The following UNC13B variants were observed in gnomAD, a reference collection of about 807,000 sequenced individuals.
UNC13B encodes protein unc-13 homolog B.
Under a neutral mutation model 211.0 loss-of-function variants are expected in UNC13B, and 144 were observed. The ratio of observed to expected loss-of-function variants is 0.68; its 90% confidence interval spans 0.60 to 0.78. UNC13B has a LOEUF of 0.78. Among genes scored for constraint, UNC13B ranks in the 30% least tolerant of loss-of-function variants. The probability of loss-of-function intolerance (pLI) is 0.00; values close to 1 mark genes in which losing one functional copy is unlikely to be tolerated. For synonymous variants in UNC13B, 709 were observed against 725.8 expected (o/e 0.98, Z 0.37); for missense variants, 1,777 against 2,002.0 (o/e 0.89, Z 2.14).
At chr9:35,255,182 C>A (rs1826802479) in intron 6 of UNC13B, among the ~76,000 whole-genome samples, 1 of 146,980 alleles carries the variant, frequency 6.8e-6, no homozygotes, top group African/African-American at 2.5e-5. Context: ...GCCTTGGACT[C>A]CCAAAGTGCT....
intron 8 of UNC13B, among the ~76,000 whole-genome samples, chr9:35,297,561 T>TTTTTTTTTTTGTTTTTTG: frequency 7.8e-6 from 1 of 128,164 alleles, no homozygotes; most frequent in Non-Finnish European, 1.7e-5. Flanking sequence ...TTTTTTTTTT[T>TTTTTTTTTTTGTTTTTTG]TTTTTTGAGA....
At chr9:35,240,532 G>C (rs540948839) in intron 5 of UNC13B, among the ~76,000 whole-genome samples, 1 of 151,994 alleles carries the variant, frequency 6.6e-6, no homozygotes, top group East Asian at 1.9e-4. Context: ...GGAGGGAGTG[G>C]GTCTTGGTTC....
intron 7 of UNC13B, among the ~76,000 whole-genome samples, chr9:35,285,421 T>C (rs960217170): frequency 2.0e-5 from 3 of 152,150 alleles, no homozygotes; most frequent in Non-Finnish European, 4.4e-5. Flanking sequence ...CTCAAGTAAT[T>C]ATTAAAATTA....
intron 19 of UNC13B, 122 bp from the exon 20 acceptor site, chr9:35,381,434 T>C: frequency 2.4e-6 from 3 of 1,269,568 alleles, no homozygotes; most frequent in East Asian, 5.1e-5. Flanking sequence ...AACTGAGCAA[T>C]GACTGGAAGG....
chr9:35,331,900 C>G (rs1205699142), intron 11 of UNC13B, among the ~76,000 whole-genome samples: 1 of 152,122 alleles, frequency 6.6e-6, no homozygotes, highest in Non-Finnish European at 1.5e-5. Context: ...AGCCTCTAAT[C>G]AAGAATCTTT....
intron 11 of UNC13B, chr9:35,351,171 A>T: frequency 2.3e-6 from 1 of 427,804 alleles, no homozygotes; most frequent in Non-Finnish European, 3.2e-6. Flanking sequence ...GTTGGGAGGC[A>T]GGTCAGGGTT....
intron 11 of UNC13B, among the ~76,000 whole-genome samples, chr9:35,347,738 G>C (rs1019983311): frequency 3.9e-5 from 6 of 152,210 alleles, no homozygotes; most frequent in African/African-American, 1.4e-4. Context: ...GGGAGAAGCT[G>C]CTATGGCAGC....
intron 23 of UNC13B, 136 bp downstream of exon 23, chr9:35,385,949 C>G (rs965788577): frequency 7.2e-7 from 1 of 1,386,388 alleles, no homozygotes. Context: ...TGTACCTGTT[C>G]CCTGGGTTAC....
chr9:35,317,289 C>T (rs990851699), intron 11 of UNC13B, among the ~76,000 whole-genome samples: 1 of 152,090 alleles, frequency 6.6e-6, no homozygotes, highest in Non-Finnish European at 1.5e-5. Context: ...CAGCGTCAAC[C>T]TCCTGGGCTC....
intron 1 of UNC13B, among the ~76,000 whole-genome samples, chr9:35,171,403 C>G (rs11788308): frequency 0.18 from 27,735 of 152,062 alleles, 3,161 homozygotes; most frequent in Non-Finnish European, 0.26. Context: ...TGCCTGGTCT[C>G]AAGTATAGTT....
chr9:35,175,623 G>T (rs2131277517), intron 1 of UNC13B, among the ~76,000 whole-genome samples: 1 of 151,160 alleles, frequency 6.6e-6, no homozygotes, highest in Non-Finnish European at 1.5e-5. Context: ...AGGGCAGGCA[G>T]TGTATTATAG....
At chr9:35,253,886 T>C (rs975177426) in intron 6 of UNC13B, among the ~76,000 whole-genome samples, 2 of 152,254 alleles carry the variant, frequency 1.3e-5, no homozygotes, top group African/African-American at 4.8e-5. Context: ...ACTAAATTGC[T>C]TTCTGAAGTG....
chr9:35,176,137 AGAT>A (rs1821621865), intron 1 of UNC13B, among the ~76,000 whole-genome samples: 1 of 151,800 alleles, frequency 6.6e-6, no homozygotes, highest in Non-Finnish European at 1.5e-5. Flanking sequence ...GGGAAGGGAG[AGAT>A]GATAACTGAT....
At chr9:35,365,189 C>A (rs1322460760) in intron 11 of UNC13B, among the ~76,000 whole-genome samples, 1 of 152,164 alleles carries the variant, frequency 6.6e-6, no homozygotes, top group Admixed American at 6.5e-5. Context: ...CTCTTGAAGA[C>A]CATGAGGGTT....
At chr9:35,281,701 T>C (rs1431273891) in intron 7 of UNC13B, among the ~76,000 whole-genome samples, 3 of 152,196 alleles carry the variant, frequency 2.0e-5, no homozygotes, top group East Asian at 1.9e-4. Context: ...TCCACCCTTA[T>C]AGTATAGAAT....
chr9:35,309,006 A>G (rs1587589434), intron 9 of UNC13B, among the ~76,000 whole-genome samples: 1 of 152,122 alleles, frequency 6.6e-6, no homozygotes, highest in African/African-American at 2.4e-5. Context: ...TCTGCCTTTT[A>G]CTACCCTCAA....
chr9:35,165,479 A>G (rs1820986250), intron 1 of UNC13B, among the ~76,000 whole-genome samples: 1 of 146,574 alleles, frequency 6.8e-6, no homozygotes, highest in Admixed American at 7.0e-5. Flanking sequence ...GTGCAGTGGC[A>G]TGATCTCAGC....
chr9:35,289,072 G>A (rs1828950964), intron 7 of UNC13B, among the ~76,000 whole-genome samples: 1 of 151,828 alleles, frequency 6.6e-6, no homozygotes, highest in South Asian at 2.1e-4. Flanking sequence ...TTTTAAAATG[G>A]CACACTAAGC....
chr9:35,244,924 A>G (rs1293563376), intron 6 of UNC13B, among the ~76,000 whole-genome samples: 3 of 152,088 alleles, frequency 2.0e-5, no homozygotes, highest in East Asian at 3.8e-4. Flanking sequence ...TACCTCCTTT[A>G]TTCTTGGTAG....
Sources: allele counts gnomAD v4.1 joint callset (sites outside exome capture counted in the v4.1 genomes callset), GRCh38; gene constraint gnomAD v4.1.1; transcripts MANE v1.5; gene names NCBI Gene and HGNC (gene_info 2026-07-23, HGNC 2026-07-21).